The following BCR variants were observed in gnomAD, a reference collection of about 807,000 sequenced individuals.
BCR encodes BCR activator of RhoGEF and GTPase, also known as breakpoint cluster region protein.
BCR carries 58 observed loss-of-function variants against 138.6 expected under a neutral mutation model. The ratio of observed to expected loss-of-function variants is 0.42; its 90% CI spans 0.34 to 0.52. The LOEUF is 0.52. BCR is among the 20% of genes least tolerant of loss of function. BCR has a pLI of 0.06. For synonymous variants in BCR, 786 were observed against 730.1 expected (o/e 1.08, Z -1.23); for missense variants, 1,599 against 1,727.2 (o/e 0.93, Z 1.32).
chr22:23,293,909 T>C (rs575986222), intron 15 of BCR, among the ~76,000 whole-genome samples: 22 of 151,860 alleles, frequency 1.4e-4, no homozygotes, highest in Admixed American at 3.3e-4. Context: ...CACGCCTCGG[T>C]GTGAAGCGCA....
Position 23,268,362 on chromosome 22 carries a change from G to A in BCR, c.1753-46G>A, listed in dbSNP as rs761423401. ...GGAGCCTGCTCTTCAGAAAGATGGG[G>A]GAGCAGCAGCACCTGTCCCACTCTC... On this transcript the variant is annotated intron_variant, in intron 4 of 22. Coordinates refer to ENST00000305877, the MANE Select transcript of BCR (RefSeq NM_004327.4). 18 of 1,469,754 alleles carry A rather than the reference G, an allele frequency of 1.2e-5. No individual in the cohort carries two copies. In the East Asian group the frequency reaches 4.1e-4, roughly 33 times the overall value. The allele number at this position is 1,469,754 out of a possible 1,614,324, so 91.0% of individuals were successfully genotyped here. A position where few individuals can be genotyped will look rare whatever the true frequency, so the allele number is the denominator to read the frequency against.
At chr22:23,263,116 TC>T in intron 4 of BCR, 1 of 708,090 alleles carries the variant, frequency 1.4e-6, no homozygotes, top group Non-Finnish European at 2.3e-6. Context: ...TGGGCCTACA[TC>T]CCGGGGACAG....
chr22:23,201,337 T>C (rs2146209767), intron 1 of BCR, among the ~76,000 whole-genome samples: 1 of 152,332 alleles, frequency 6.6e-6, no homozygotes, highest in Non-Finnish European at 1.5e-5. Flanking sequence ...CTCCTGGCAG[T>C]TGTAGGACTG....
intron 1 of BCR, among the ~76,000 whole-genome samples, chr22:23,223,415 T>C (rs992944478): frequency 6.6e-6 from 1 of 152,338 alleles, no homozygotes; most frequent in Middle Eastern, 3.4e-3. Flanking sequence ...GCCTTGAGGC[T>C]GGGCTTTGGG....
At chr22:23,291,341 A>G (rs1281292383) in intron 14 of BCR, among the ~76,000 whole-genome samples, 1 of 152,020 alleles carries the variant, frequency 6.6e-6, no homozygotes, top group African/African-American at 2.4e-5. Context: ...AGGTGAGAGC[A>G]GTGTCGTGAA....
At chr22:23,257,934 C>G (rs62219787) in intron 2 of BCR, among the ~76,000 whole-genome samples, 1 of 152,314 alleles carries the variant, frequency 6.6e-6, no homozygotes, top group African/African-American at 2.4e-5. Flanking sequence ...TTAAATGAAT[C>G]TTAATTGAGC....
At chr22:23,265,364 CTTGTCCCCATGACCA>C (rs1297794629) in intron 4 of BCR, among the ~76,000 whole-genome samples, 1 of 152,252 alleles carries the variant, frequency 6.6e-6, no homozygotes, top group African/African-American at 2.4e-5. Context: ...GGTGCCTGCC[CTTGTCCCCATGACCA>C]GCTCAGTAGG....
At chr22:23,292,502 A>G (rs1267901132) in intron 14 of BCR, 39 bp from the exon 15 acceptor site, 1 of 1,481,220 alleles carries the variant, frequency 6.8e-7, no homozygotes, top group Admixed American at 1.7e-5. Context: ...TGATGTGGAA[A>G]AGACCTGTGA....
intron 1 of BCR, among the ~76,000 whole-genome samples, chr22:23,232,967 G>T (rs1424381268): frequency 1.3e-5 from 2 of 152,318 alleles, no homozygotes; most frequent in Middle Eastern, 3.4e-3. Flanking sequence ...ATTTTTCTGC[G>T]AGGTGGGGGA....
At chr22:23,287,108 G>A (rs1400628021) in intron 10 of BCR, 51 bp from the exon 11 acceptor site, 1 of 1,558,520 alleles carries the variant, frequency 6.4e-7, no homozygotes, top group Non-Finnish European at 8.7e-7. Flanking sequence ...ATGGGAGTGG[G>A]TTGTGTGGAG....
At chr22:23,274,247 G>A (rs562118919) in intron 8 of BCR, among the ~76,000 whole-genome samples, 32 of 152,316 alleles carry the variant, frequency 2.1e-4, no homozygotes, top group South Asian at 2.1e-4. Flanking sequence ...TGTCTGTGAC[G>A]TGAGACTGGT....
chr22:23,209,513 T>C (rs560689954), intron 1 of BCR, among the ~76,000 whole-genome samples: 1 of 152,202 alleles, frequency 6.6e-6, no homozygotes, highest in East Asian at 1.9e-4. Context: ...GTGTACAAAT[T>C]TCGTGGCTTG....
At chr22:23,210,040 T>C (rs1305976664) in intron 1 of BCR, among the ~76,000 whole-genome samples, 2 of 152,230 alleles carry the variant, frequency 1.3e-5, no homozygotes, top group Admixed American at 1.3e-4. Context: ...TTTCCAATTA[T>C]AGTAATTTTT....
At chr22:23,203,232 A>T (rs1362962039) in intron 1 of BCR, among the ~76,000 whole-genome samples, 13 of 152,192 alleles carry the variant, frequency 8.5e-5, no homozygotes. Flanking sequence ...TTACCAGGTC[A>T]GAGAGGTGGA....
chr22:23,247,768 AT>A (rs2146261782), intron 1 of BCR, among the ~76,000 whole-genome samples: 1 of 152,314 alleles, frequency 6.6e-6, no homozygotes, highest in East Asian at 1.9e-4. Flanking sequence ...TTCTGTCTCT[AT>A]GAATCTGACT....
chr22:23,181,422 C>T lies in BCR; in HGVS notation c.462C>T (p.Leu154=). The T allele has an allele frequency of 6.3e-7, 1 of 1,583,856 alleles. No individual in the cohort carries two copies. The highest frequency in any genetic ancestry group is 8.6e-7 in the Non-Finnish European group (1 of 1,162,994). ...DRGPPASVAA[L]RSNFERIRKG... is the part of the protein sequence containing the mutation. ...GACCCCCCGCCAGCGTGGCGGCGCTCAGGTCCAACTTCGAGCGGATCCGCA... is the reference window on the plus strand; with the variant it reads ...GACCCCCCGCCAGCGTGGCGGCGCTTAGGTCCAACTTCGAGCGGATCCGCA... The change falls in exon 1 of 23, where the codon CTC becomes CTT. Residue 154 remains leucine (L), a synonymous_variant. Transcript: ENST00000305877.
At chr22:23,266,542 G>T (rs189824318) in intron 4 of BCR, among the ~76,000 whole-genome samples, 2 of 151,924 alleles carry the variant, frequency 1.3e-5, no homozygotes, top group Admixed American at 6.6e-5. Flanking sequence ...GGCATGCGCC[G>T]TCACGCCCGT....
intron 10 of BCR, among the ~76,000 whole-genome samples, chr22:23,286,278 A>T (rs2073711562): frequency 1.3e-5 from 2 of 152,178 alleles, no homozygotes; most frequent in African/African-American, 4.8e-5. Context: ...CCCCTCAATC[A>T]AAGGTTAGCC....
rs1413602646 is a variant in BCR at position 23,180,570 on chromosome 22, AGGCGGCGGCGGCGGCGGCGGCAC to A, written c.-379_-357del. The A allele has an allele frequency of 2.5e-4, 27 of 109,018 alleles. No individual in the cohort carries two copies. Among genetic ancestry groups the A allele is most frequent in the Admixed American group, 3.3e-4 (3 of 9,168 alleles). The allele number at this position is 109,018 out of a possible 1,614,324, so 6.8% of individuals were successfully genotyped here. On this transcript the variant is annotated 5_prime_UTR_variant, in exon 1 of 23. Transcript: ENST00000305877. ...GGCTGGCTGAGCTTAGCGTCCGAGG[AGGCGGCGGCGGCGGCGGCGGCAC>A]GGCGGCGGCGGGGCTGTGGGGCGGT...
Sources: gnomAD v4.1 joint callset for allele counts (sites outside exome capture counted in the v4.1 genomes callset) on GRCh38, gnomAD v4.1.1 for gene constraint, MANE v1.5 for transcripts, NCBI Gene and HGNC (gene_info 2026-07-23, HGNC 2026-07-21) for gene names.